PCDH7: variants seen among roughly 807,000 people sequenced by gnomAD.
PCDH7 encodes protocadherin 7.
A neutral mutation model predicts 58.9 loss-of-function variants in PCDH7; 17 were observed. The ratio of observed to expected loss-of-function variants is 0.29; its 90% CI spans 0.20 to 0.43. The LOEUF is 0.43. Among genes scored for constraint, PCDH7 ranks in the 20% least tolerant of loss-of-function variants. PCDH7 has a pLI of 1.00. For synonymous variants in PCDH7, 664 were observed against 616.4 expected, an observed-to-expected ratio of 1.08 and a Z score of -1.14; for missense variants, 1,274 against 1,441.0, an observed-to-expected ratio of 0.88 and a Z score of 1.88.
chr4:31,051,755 C>T lies in PCDH7; in HGVS notation c.*8-90718C>T, dbSNP rs978318073. On this transcript the variant is annotated intron_variant, in intron 3 of 3. Coordinates refer to the PCDH7 transcript ENST00000509759. The stretch of plus-strand genomic sequence containing the variant: ...GCTAACACATCAGGTATGCAATCTT[C>T]TGTAGAAAAATATTACACATTGTCT... 2.0e-5 allele frequency among the ~76,000 whole-genome samples: 3 copies of T among 149,174 alleles called. No homozygotes were observed. The Admixed American group carries it at 2.0e-4, about 10-fold the overall frequency.
intron 3 of PCDH7, among the ~76,000 whole-genome samples, chr4:31,036,473 C>T (rs997902581): frequency 3.3e-5 from 5 of 152,098 alleles, no homozygotes; most frequent in African/African-American, 1.2e-4. Context: ...TAAGTGCAAG[C>T]CACTGTGTCC....
intron 3 of PCDH7, among the ~76,000 whole-genome samples, chr4:31,007,558 C>T (rs563729462): frequency 4.7e-5 from 7 of 150,434 alleles, no homozygotes; most frequent in Admixed American, 1.3e-4. Flanking sequence ...AATATTTTCA[C>T]ACAGTTTCTA....
chr4:31,009,280 A>G (rs1560573424), intron 3 of PCDH7, among the ~76,000 whole-genome samples: 1 of 152,016 alleles, frequency 6.6e-6, no homozygotes, highest in Non-Finnish European at 1.5e-5. Flanking sequence ...ACTTGCTTCC[A>G]CTTTTTGGCA....
At chr4:30,756,265 C>A (rs1460050020) in intron 1 of PCDH7, among the ~76,000 whole-genome samples, 2 of 152,036 alleles carry the variant, frequency 1.3e-5, no homozygotes, top group African/African-American at 4.8e-5. Flanking sequence ...AATGGCACCC[C>A]GCTGTTCATG....
At chr4:31,012,025 A>G (rs1486194673) in intron 3 of PCDH7, among the ~76,000 whole-genome samples, 1 of 152,130 alleles carries the variant, frequency 6.6e-6, no homozygotes, top group African/African-American at 2.4e-5. Context: ...CATCAAATGA[A>G]TTAGGAAAAT....
chr4:31,026,058 T>C (rs1373316886), intron 3 of PCDH7, among the ~76,000 whole-genome samples: 6 of 152,226 alleles, frequency 3.9e-5, no homozygotes, highest in Non-Finnish European at 7.3e-5. Context: ...ATATGCCATG[T>C]CTTACACTGC....
chr4:31,051,839 G>GA (rs1756763711), intron 3 of PCDH7, among the ~76,000 whole-genome samples: 1 of 149,738 alleles, frequency 6.7e-6, no homozygotes, highest in African/African-American at 2.5e-5. Flanking sequence ...TGTGTGGGGG[G>GA]CGGGTAGGGG....
intron 1 of PCDH7, among the ~76,000 whole-genome samples, chr4:30,745,685 G>C (rs1437100962): frequency 6.6e-6 from 1 of 151,856 alleles, no homozygotes; most frequent in Non-Finnish European, 1.5e-5. Context: ...ACTAACAACA[G>C]ATCCCTGGTT....
At chr4:31,084,141 A>G (rs73812521) in intron 3 of PCDH7, among the ~76,000 whole-genome samples, 3,739 of 152,272 alleles carry the variant, frequency 0.025, 162 homozygotes, top group African/African-American at 0.086. Flanking sequence ...TTTCAGATGT[A>G]ACTATATTTA....
At chr4:30,969,572 C>G (rs934813834) in intron 3 of PCDH7, among the ~76,000 whole-genome samples, 1 of 152,040 alleles carries the variant, frequency 6.6e-6, no homozygotes, top group Non-Finnish European at 1.5e-5. Context: ...TTAGCCTCAT[C>G]TCTAAATGTA....
chr4:30,893,957 A>G (rs937489881), intron 1 of PCDH7, among the ~76,000 whole-genome samples: 1 of 152,126 alleles, frequency 6.6e-6, no homozygotes, highest in Non-Finnish European at 1.5e-5. Flanking sequence ...GAGGCCACCA[A>G]TGGCTAAAGC....
At chr4:30,894,890 A>G (rs1234559398) in intron 1 of PCDH7, among the ~76,000 whole-genome samples, 1 of 151,466 alleles carries the variant, frequency 6.6e-6, no homozygotes, top group Non-Finnish European at 1.5e-5. Context: ...CAGATGCCAT[A>G]TTGTTCTTGT....
At position 30,978,256 on chromosome 4, in the gene PCDH7, TG is replaced by T. The variant is rs1157983995; in HGVS notation, c.*7+28044del. On this transcript the variant is annotated intron_variant, in intron 3 of 3. Coordinates refer to the PCDH7 transcript ENST00000509759. ...AGTCCTGCCTCTGCCTCCAGAATGC[TG>T]GGCGTGACCTTGGAGAACAAATCTT... 3.3e-5 allele frequency among the ~76,000 whole-genome samples: 5 copies of T among 152,342 alleles called. No individual in the cohort carries two copies. The East Asian group carries it at 9.6e-4, about 29-fold the overall frequency.
intron 3 of PCDH7, among the ~76,000 whole-genome samples, chr4:31,016,294 G>A (rs1753593171): frequency 6.6e-6 from 1 of 151,724 alleles, no homozygotes; most frequent in African/African-American, 2.4e-5. Context: ...ATTCTTTTAG[G>A]TGTTTTTGAA....
Position 30,727,785 on chromosome 4 carries a change from G to A in PCDH7, c.3175-2968G>A, listed in dbSNP as rs61794758. ...TTTTAAGTCTCTGGTATTTTACTAT[G>A]TGCTAAGCATTTTTCAATTTTCTTT... is the stretch of plus-strand genomic sequence containing the variant. On this transcript the variant is annotated intron_variant, in intron 1 of 1. Transcript: ENST00000361762. 2.4e-3 allele frequency among the ~76,000 whole-genome samples: 368 copies of A among 151,844 alleles called. 11 individuals carry two copies. The highest frequency in any genetic ancestry group is 2.7e-3 in the Non-Finnish European group (181 of 67,786).
intron 3 of PCDH7, among the ~76,000 whole-genome samples, chr4:31,087,799 T>C (rs898003301): frequency 1.3e-5 from 2 of 152,142 alleles, no homozygotes; most frequent in Non-Finnish European, 2.9e-5. Context: ...TTTGGAAAGT[T>C]CTATACTTTA....
At chr4:30,961,561 A>C (rs932549998) in intron 3 of PCDH7, among the ~76,000 whole-genome samples, 33 of 151,890 alleles carry the variant, frequency 2.2e-4, no homozygotes, top group Admixed American at 2.2e-3. Flanking sequence ...CAAAAACAAA[A>C]AACAAAAAAC....
At chr4:31,056,845 G>A (rs1458253207) in intron 3 of PCDH7, among the ~76,000 whole-genome samples, 1 of 152,184 alleles carries the variant, frequency 6.6e-6, no homozygotes. Context: ...CTCCCAAAGT[G>A]CTGGGATTAC....
chr4:30,726,938 A>G (rs1317214367), intron 1 of PCDH7, among the ~76,000 whole-genome samples: 2 of 152,000 alleles, frequency 1.3e-5, no homozygotes, highest in African/African-American at 4.8e-5. Context: ...TGCCATAAGT[A>G]GACAATTTCC....
Sources: gnomAD v4.1 joint callset for allele counts (sites outside exome capture counted in the v4.1 genomes callset) on GRCh38, gnomAD v4.1.1 for gene constraint, MANE v1.5 for transcripts, NCBI Gene and HGNC (gene_info 2026-07-23, HGNC 2026-07-21) for gene names.